SCFD2: variants seen among roughly 807,000 people sequenced by gnomAD.
The protein encoded by SCFD2 is sec1 family domain-containing protein 2.
Under a neutral mutation model 58.9 loss-of-function variants are expected in SCFD2, and 54 were observed. The observed-to-expected ratio is 0.92, with a 90% CI of 0.74 to 1.15. The LOEUF is 1.15. SCFD2 is among the 50% of genes most tolerant of loss of function. SCFD2 has a pLI of 0.00. For missense variants in SCFD2, 805 were observed against 836.6 expected, an observed-to-expected ratio of 0.96 and a Z score of 0.47; for synonymous variants, 321 against 335.9, an observed-to-expected ratio of 0.96 and a Z score of 0.49.
At chr4:53,287,979 C>A (rs1236523809) in intron 3 of SCFD2, among the ~76,000 whole-genome samples, 1 of 152,034 alleles carries the variant, frequency 6.6e-6, no homozygotes, top group Admixed American at 6.6e-5. Context: ...GTAGGTCATG[C>A]CTGTAATCCC....
At chr4:53,106,990 C>T (rs979544769) in intron 5 of SCFD2, among the ~76,000 whole-genome samples, 7 of 152,248 alleles carry the variant, frequency 4.6e-5, no homozygotes, top group African/African-American at 1.7e-4. Context: ...GGTCGGGTTA[C>T]CCACAAAGGG....
intron 2 of SCFD2, among the ~76,000 whole-genome samples, chr4:53,324,987 G>T (rs1233479690): frequency 6.6e-6 from 1 of 152,082 alleles, no homozygotes; most frequent in Non-Finnish European, 1.5e-5. Context: ...CATGGGTAAG[G>T]TTCTTGAGGC....
At chr4:53,316,530 T>A (rs191338389) in intron 2 of SCFD2, among the ~76,000 whole-genome samples, 4 of 152,328 alleles carry the variant, frequency 2.6e-5, no homozygotes, top group Admixed American at 2.6e-4. Context: ...GTGGTTGTAG[T>A]TGTTACTAGT....
At chr4:53,302,488 G>C (rs578078729) in intron 3 of SCFD2, among the ~76,000 whole-genome samples, 14 of 152,208 alleles carry the variant, frequency 9.2e-5, no homozygotes, top group African/African-American at 3.1e-4. Flanking sequence ...ATGCTCATGG[G>C]TAGGAAGAAT....
At chr4:53,068,987 G>T (rs916483114) in intron 5 of SCFD2, among the ~76,000 whole-genome samples, 3 of 151,908 alleles carry the variant, frequency 2.0e-5, no homozygotes, top group African/African-American at 7.3e-5. Flanking sequence ...CATTGGAGTG[G>T]GTCATTTAGA....
chr4:52,904,881 C>A (rs1187471686), intron 7 of SCFD2, among the ~76,000 whole-genome samples: 2 of 152,186 alleles, frequency 1.3e-5, no homozygotes, highest in African/African-American at 2.4e-5. Flanking sequence ...GAGAGTAAGA[C>A]CCAATCCCAG....
chr4:53,303,192 A>T (rs1432418021), intron 3 of SCFD2, among the ~76,000 whole-genome samples: 2 of 152,212 alleles, frequency 1.3e-5, no homozygotes, highest in Non-Finnish European at 2.9e-5. Context: ...ACATTTTTGC[A>T]ACCTACTCAT....
At chr4:53,031,088 T>A (rs894615923) in intron 5 of SCFD2, among the ~76,000 whole-genome samples, 1 of 152,162 alleles carries the variant, frequency 6.6e-6, no homozygotes, top group Admixed American at 6.5e-5. Context: ...CAGAGGAAAG[T>A]CAGCAATCTT....
intron 5 of SCFD2, among the ~76,000 whole-genome samples, chr4:53,054,308 T>C (rs538120942): frequency 6.6e-6 from 1 of 152,220 alleles, no homozygotes; most frequent in South Asian, 2.1e-4. Context: ...ATATGTCTTA[T>C]AATTTATGAC....
At chr4:53,221,499 A>G (rs1729046292) in intron 4 of SCFD2, among the ~76,000 whole-genome samples, 1 of 152,206 alleles carries the variant, frequency 6.6e-6, no homozygotes. Context: ...GCTAATAACT[A>G]TTTATCCTTG....
At chr4:53,294,634 T>C (rs1019572136) in intron 3 of SCFD2, among the ~76,000 whole-genome samples, 2 of 152,234 alleles carry the variant, frequency 1.3e-5, no homozygotes, top group African/African-American at 4.8e-5. Flanking sequence ...GCAGAAGCTC[T>C]TTAGTCTAAT....
intron 5 of SCFD2, among the ~76,000 whole-genome samples, chr4:52,951,809 C>A (rs1342893539): frequency 6.6e-6 from 1 of 152,174 alleles, no homozygotes. Flanking sequence ...GAAACACAAA[C>A]CTCACTGAGC....
chr4:52,898,296 A>G (rs1318923821), intron 7 of SCFD2, among the ~76,000 whole-genome samples: 1 of 152,192 alleles, frequency 6.6e-6, no homozygotes. Context: ...ATTTAGTGCT[A>G]TAAATTTTCC....
chr4:52,899,930 A>G (rs1719138818), intron 7 of SCFD2, among the ~76,000 whole-genome samples: 1 of 151,756 alleles, frequency 6.6e-6, no homozygotes, highest in East Asian at 1.9e-4. Flanking sequence ...CCTTTTTTCC[A>G]GTTGATCGCA....
intron 2 of SCFD2, among the ~76,000 whole-genome samples, chr4:53,320,596 G>A (rs1268196461): frequency 6.6e-6 from 1 of 152,160 alleles, no homozygotes; most frequent in Admixed American, 6.6e-5. Context: ...CAGCCTGGGA[G>A]AGAAGAGTAA....
At chr4:53,287,837 T>G (rs1361056568) in intron 3 of SCFD2, among the ~76,000 whole-genome samples, 1 of 152,026 alleles carries the variant, frequency 6.6e-6, no homozygotes, top group Non-Finnish European at 1.5e-5. Context: ...GACAATTGAA[T>G]TAAACCAGAA....
At chr4:53,207,511 T>A (rs769738984) in intron 4 of SCFD2, among the ~76,000 whole-genome samples, 4 of 12,980 alleles carry the variant, frequency 3.1e-4, no homozygotes, top group Admixed American at 1.7e-3. Flanking sequence ...ATATATTATA[T>A]ATATTATATA....
intron 5 of SCFD2, among the ~76,000 whole-genome samples, chr4:53,109,643 C>T (rs556842684): frequency 6.6e-6 from 1 of 152,110 alleles, no homozygotes; most frequent in African/African-American, 2.4e-5. Context: ...TATAAAATAC[C>T]TAGGAATACA....
At chr4:53,249,044 T>C (rs1003458230) in intron 4 of SCFD2, among the ~76,000 whole-genome samples, 2 of 152,062 alleles carry the variant, frequency 1.3e-5, no homozygotes, top group African/African-American at 4.8e-5. Context: ...GGCAAAGAAG[T>C]TAAAAACTTT....
Sources: allele counts gnomAD v4.1 joint callset (sites outside exome capture counted in the v4.1 genomes callset), GRCh38; gene constraint gnomAD v4.1.1; transcripts MANE v1.5; gene names NCBI Gene and HGNC (gene_info 2026-07-23, HGNC 2026-07-21).